The following SUGCT variants were observed in gnomAD, a reference collection of about 807,000 sequenced individuals.
SUGCT encodes succinyl-CoA:glutarate-CoA transferase.
SUGCT carries 41 observed loss-of-function variants against 55.0 expected under a neutral mutation model. The observed-to-expected ratio is 0.74, with a 90% CI of 0.58 to 0.97. SUGCT has a LOEUF of 0.97. Among genes scored for constraint, SUGCT ranks in the 50% least tolerant of loss-of-function variants. SUGCT has a pLI of 0.00. For synonymous variants in SUGCT, 187 were observed against 200.4 expected (o/e 0.93, Z 0.56); for missense variants, 568 against 547.8 (o/e 1.04, Z -0.37).
At chr7:40,451,246 G>T (rs1342337994) in intron 10 of SUGCT, among the ~76,000 whole-genome samples, 5 of 152,112 alleles carry the variant, frequency 3.3e-5, no homozygotes, top group African/African-American at 1.2e-4. Flanking sequence ...TGGGGTTGGG[G>T]GTGGGAGGAC....
chr7:40,256,216 C>T (rs1300487393), intron 7 of SUGCT, among the ~76,000 whole-genome samples: 1 of 152,020 alleles, frequency 6.6e-6, no homozygotes, highest in African/African-American at 2.4e-5. Context: ...ATTTCTTTTC[C>T]CCTGACATTT....
At chr7:40,601,359 C>T (rs1798278322) in intron 12 of SUGCT, among the ~76,000 whole-genome samples, 1 of 152,162 alleles carries the variant, frequency 6.6e-6, no homozygotes, top group Non-Finnish European at 1.5e-5. Context: ...ACACCAGGTT[C>T]CCCTGTGGAC....
At chr7:40,935,409 A>G in the SUGCT span, among the ~76,000 whole-genome samples, 2 of 152,102 alleles carry the variant, frequency 1.3e-5, no homozygotes, top group Admixed American at 1.3e-4. Flanking sequence ...TGTCACTCCA[A>G]TTCCTTCCTG....
At chr7:40,393,313 C>T in intron 9 of SUGCT, among the ~76,000 whole-genome samples, 1 of 152,070 alleles carries the variant, frequency 6.6e-6, no homozygotes, top group South Asian at 2.1e-4. Context: ...AAATGTTAAA[C>T]ATTGTGCAGT....
intron 6 of SUGCT, among the ~76,000 whole-genome samples, chr7:40,206,310 C>T (rs1786972036): frequency 2.0e-5 from 3 of 152,154 alleles, no homozygotes; most frequent in Non-Finnish European, 1.5e-5. Context: ...GCATTCATCT[C>T]GCTAATTATT....
intron 5 of SUGCT, among the ~76,000 whole-genome samples, chr7:40,193,604 T>C (rs897377577): frequency 1.4e-5 from 2 of 145,042 alleles, no homozygotes; most frequent in Non-Finnish European, 3.0e-5. Flanking sequence ...TAAAAAAGAT[T>C]TTTTTTTTTT....
chr7:41,024,107 C>T, the SUGCT span, among the ~76,000 whole-genome samples: 9 of 152,078 alleles, frequency 5.9e-5, no homozygotes, highest in Non-Finnish European at 1.0e-4. Flanking sequence ...GAAGAGAAGA[C>T]GAAATACACT....
chr7:40,288,731 A>T (rs1793519581), intron 8 of SUGCT, among the ~76,000 whole-genome samples: 2 of 152,158 alleles, frequency 1.3e-5, no homozygotes, highest in African/African-American at 4.8e-5. Flanking sequence ...TATTCAACCA[A>T]ATATATCCAA....
At chr7:40,806,558 C>T (rs1791103245) in intron 13 of SUGCT, among the ~76,000 whole-genome samples, 1 of 152,094 alleles carries the variant, frequency 6.6e-6, no homozygotes, top group African/African-American at 2.4e-5. Flanking sequence ...TTGTCTTATA[C>T]CCATCCTTGG....
chr7:40,212,595 C>T (rs545757201), intron 6 of SUGCT, among the ~76,000 whole-genome samples: 6 of 152,034 alleles, frequency 3.9e-5, no homozygotes, highest in South Asian at 4.2e-4. Flanking sequence ...AATGCAGTGG[C>T]GCGATCTCAG....
chr7:40,780,424 C>T (rs1789676323), intron 13 of SUGCT, among the ~76,000 whole-genome samples: 1 of 152,134 alleles, frequency 6.6e-6, no homozygotes, highest in African/African-American at 2.4e-5. Context: ...TGTTTTATTT[C>T]AGTTTTCAAA....
the SUGCT span, among the ~76,000 whole-genome samples, chr7:41,021,122 G>A: frequency 6.6e-5 from 10 of 152,260 alleles, no homozygotes; most frequent in African/African-American, 2.2e-4. Context: ...TATCCCAAGT[G>A]TAGGGAAGAG....
At chr7:40,557,592 G>A (rs1186665309) in intron 12 of SUGCT, among the ~76,000 whole-genome samples, 4 of 152,096 alleles carry the variant, frequency 2.6e-5, no homozygotes, top group Non-Finnish European at 5.9e-5. Flanking sequence ...GGCCAACGTA[G>A]TGAAACCCCA....
chr7:40,390,727 C>A (rs1290780101), intron 9 of SUGCT, among the ~76,000 whole-genome samples: 1 of 152,148 alleles, frequency 6.6e-6, no homozygotes, highest in African/African-American at 2.4e-5. Context: ...TTTACAGATT[C>A]AATGCCATCC....
rs562601327 is a variant in SUGCT, at chr7:40,399,260, C to G, written c.817-50027C>G. ...GATTTAACCCTAAGGGAAGAAAAGCCAAGGAAAAAAAATGTTGGAAGGAAA... is the reference window on the plus strand; with the variant it reads ...GATTTAACCCTAAGGGAAGAAAAGCGAAGGAAAAAAAATGTTGGAAGGAAA... On this transcript the variant is annotated intron_variant, in intron 9 of 13. Coordinates refer to ENST00000335693, the MANE Select transcript of SUGCT (RefSeq NM_001193313.2). 4.0e-5 allele frequency among the ~76,000 whole-genome samples: 6 copies of G among 150,892 alleles called. No individual in the cohort carries two copies. In the South Asian group the frequency reaches 1.3e-3, roughly 32 times the overall value.
intron 12 of SUGCT, among the ~76,000 whole-genome samples, chr7:40,739,835 A>C (rs1787371995): frequency 6.6e-6 from 1 of 152,168 alleles, no homozygotes; most frequent in Non-Finnish European, 1.5e-5. Flanking sequence ...GTATATCTTA[A>C]TATCAGATAG....
intron 7 of SUGCT, among the ~76,000 whole-genome samples, chr7:40,271,954 C>G (rs558118713): frequency 2.0e-5 from 3 of 151,550 alleles, no homozygotes; most frequent in South Asian, 4.2e-4. Flanking sequence ...TGCTTGGCTT[C>G]TTTCATGTAA....
At chr7:40,471,469 A>G (rs183544544) in intron 11 of SUGCT, among the ~76,000 whole-genome samples, 8 of 152,244 alleles carry the variant, frequency 5.3e-5, no homozygotes, top group Admixed American at 5.2e-4. Flanking sequence ...AGAAGAGATT[A>G]TATGCATGGT....
the SUGCT span, among the ~76,000 whole-genome samples, chr7:40,922,136 C>T: frequency 1.9e-4 from 29 of 152,244 alleles, 1 homozygote; most frequent in South Asian, 5.8e-3. Flanking sequence ...GGTTTTTACT[C>T]CAGGGTTTAG....
Sources: gnomAD v4.1 joint callset for allele counts (sites outside exome capture counted in the v4.1 genomes callset) on GRCh38, gnomAD v4.1.1 for gene constraint, MANE v1.5 for transcripts, NCBI Gene and HGNC (gene_info 2026-07-23, HGNC 2026-07-21) for gene names.